The following THG1L variants were observed in gnomAD, a reference collection of about 807,000 sequenced individuals.
THG1L encodes the protein tRNA-histidine guanylyltransferase 1 like.
A neutral mutation model predicts 35.2 loss-of-function variants in THG1L; 27 were observed. The ratio of observed to expected loss-of-function variants is 0.77; its 90% confidence interval spans 0.57 to 1.06. The LOEUF (loss-of-function observed/expected upper bound fraction) is 1.06, where lower values mean the gene tolerates loss of function less well. Ranked by LOEUF, THG1L falls within the 50% of genes least tolerant of loss-of-function variation. THG1L has a pLI of 0.00. For missense variants in THG1L, 377 were observed against 371.8 expected (o/e 1.01, Z -0.12); for synonymous variants, 135 against 132.4 (o/e 1.02, Z -0.14).
chr5:157,736,397 A>C (rs1468667806), intron 4 of THG1L, among the ~76,000 whole-genome samples: 1 of 152,000 alleles, frequency 6.6e-6, no homozygotes, highest in Non-Finnish European at 1.5e-5. Flanking sequence ...TTACAGGTGC[A>C]TGCCACCACA....
intron 4 of THG1L, 72 bp from the exon 5 acceptor site, chr5:157,737,815 G>A: frequency 8.4e-7 from 1 of 1,197,590 alleles, no homozygotes. Context: ...TAGGTTGTGG[G>A]TCGAATGGAT....
intron 1 of THG1L, 123 bp from the exon 2 acceptor site, chr5:157,732,745 A>G: frequency 8.7e-7 from 1 of 1,146,654 alleles, no homozygotes; most frequent in Non-Finnish European, 1.2e-6. Flanking sequence ...TGGCTAGTTG[A>G]GCATTTGAGT....
intron 2 of THG1L, 25 bp downstream of exon 2, chr5:157,733,069 C>T (rs758084048): frequency 6.2e-7 from 1 of 1,606,664 alleles, no homozygotes; most frequent in Non-Finnish European, 8.5e-7. Flanking sequence ...TAACTCCTTT[C>T]TTCAGAATAT....
chr5:157,736,925 A>G (rs1760904807), intron 4 of THG1L, among the ~76,000 whole-genome samples: 1 of 152,162 alleles, frequency 6.6e-6, no homozygotes. Flanking sequence ...GAAGTGAGGT[A>G]ATGTGTTGTA....
rs772038747 is a variant in THG1L at position 157,739,464 on chromosome 5, T to G, written c.879T>G (p.Ile293Met). The G allele has an allele frequency of 1.9e-6, 3 of 1,613,044 alleles. No individual in the cohort carries two copies. The highest frequency in any genetic ancestry group is 2.5e-6 in the Non-Finnish European group (3 of 1,179,496). The change falls in exon 6 of 6, where the codon ATT (isoleucine) becomes ATG (methionine). Residue 293 changes from isoleucine to methionine, a missense_variant. Transcript: ENST00000231198. ...CTTTCTGGAAGGAACATCCAGAGAT[T>G]CTAGATGAAGACAGCTGACCCTTTT... ...GDAFWKEHPE[I>M]LDEDS is the part of the protein sequence containing the mutation.
chr5:157,738,353 A>T (rs1366145657), intron 5 of THG1L, among the ~76,000 whole-genome samples: 1 of 152,236 alleles, frequency 6.6e-6, no homozygotes, highest in Non-Finnish European at 1.5e-5. Flanking sequence ...ATACCATTAA[A>T]TGGTCTCTCC....
Position 157,732,957 on chromosome 5 carries a change from T to C in THG1L, c.281T>C (p.Leu94Pro), listed in dbSNP as rs1760768283. The C allele has an allele frequency of 6.2e-7, 1 of 1,614,228 alleles. No homozygotes were observed. Among genetic ancestry groups the C allele is most frequent in the Non-Finnish European group, 8.5e-7 (1 of 1,180,048 alleles). The change falls in exon 2 of 6, where the codon CTA (leucine) becomes CCA (proline). Residue 94 changes from leucine to proline, a missense_variant. By Grantham distance (98) the Leu-to-Pro change is moderately conservative (BLOSUM62 -3). Coordinates refer to ENST00000231198, the MANE Select transcript of THG1L (RefSeq NM_017872.5). ...TGTGCGCAGACTGTGATGGAAGAAC[T>C]AGAGGATATTGTGATCGCGTATGGA... is the stretch of plus-strand genomic sequence containing the variant. ...TKCAQTVMEE[L>P]EDIVIAYGQS...
chr5:157,735,144 G>A (rs187588149), intron 3 of THG1L, among the ~76,000 whole-genome samples: 1 of 151,862 alleles, frequency 6.6e-6, no homozygotes, highest in Non-Finnish European at 1.5e-5. Flanking sequence ...CTCCATGTTG[G>A]TCAGGCTGGT....
intron 1 of THG1L, 131 bp downstream of exon 1, chr5:157,731,762 C>A: frequency 8.5e-7 from 1 of 1,178,536 alleles, no homozygotes; most frequent in Non-Finnish European, 1.2e-6. Flanking sequence ...GAGTGCGCAG[C>A]ATGGAGCATT....
chr5:157,739,433 G>A lies in THG1L; in HGVS notation c.848G>A (p.Gly283Glu). ...GTGCCCTTGCACTGCGATATCATCGGGGATGCTTTCTGGAAGGAACATCCA... is the reference window on the plus strand; with the variant it reads ...GTGCCCTTGCACTGCGATATCATCGAGGATGCTTTCTGGAAGGAACATCCA... Reference protein sequence around the residue: ...KPVPLHCDIIGDAFWKEHPEI... With the variant: ...KPVPLHCDIIEDAFWKEHPEI... Residue 283 changes from glycine (G) to glutamate (E), a missense_variant, in exon 6 of 6, where the codon GGG becomes GAG. Coordinates refer to ENST00000231198, the MANE Select transcript of THG1L (RefSeq NM_017872.5). The A allele has an allele frequency of 6.2e-7, 1 of 1,613,636 alleles. No individual in the cohort carries two copies. Among genetic ancestry groups the A allele is most frequent in the African/African-American group, 1.3e-5 (1 of 75,018 alleles).
At chr5:157,739,267 TCTCCCAAA>T in intron 5 of THG1L, 46 bp from the exon 6 acceptor site, 1 of 1,566,830 alleles carries the variant, frequency 6.4e-7, no homozygotes, top group South Asian at 1.2e-5. Flanking sequence ...CTTTCCTTTC[TCTCCCAAA>T]CCCACTCCTG....
At chr5:157,737,596 C>T (rs547254756) in intron 4 of THG1L, among the ~76,000 whole-genome samples, 3 of 152,274 alleles carry the variant, frequency 2.0e-5, no homozygotes, top group Non-Finnish European at 4.4e-5. Context: ...ATTTATATAA[C>T]CTTTCTAAGT....
chr5:157,739,604 C>T lies in THG1L; in HGVS notation c.*122C>T, dbSNP rs949718612. ...GGACACTGGTGCGAATGACACAACTCAAGTTGGGAGGGGAACAGGGAAGGA... is the reference window on the plus strand; with the variant it reads ...GGACACTGGTGCGAATGACACAACTTAAGTTGGGAGGGGAACAGGGAAGGA... On this transcript the variant is annotated 3_prime_UTR_variant, in exon 6 of 6. Transcript: ENST00000231198. 3 of 1,200,646 alleles carry T rather than the reference C, an allele frequency of 2.5e-6. No homozygotes were observed. The African/African-American group carries it at 4.6e-5, about 18-fold the overall frequency. 74.4% of individuals were successfully genotyped at this position (1,200,646 alleles called of 1,614,324 possible).
At chr5:157,734,032 G>A (rs957546523) in intron 2 of THG1L, among the ~76,000 whole-genome samples, 3 of 152,108 alleles carry the variant, frequency 2.0e-5, no homozygotes, top group African/African-American at 7.2e-5. Context: ...ACATCCTGTA[G>A]GGAAAGGTTT....
Position 157,732,908 on chromosome 5 carries a change from C to T in THG1L, c.232C>T (p.Arg78Cys), listed in dbSNP as rs1760766547. 4 of 1,614,180 alleles carry T rather than the reference C, an allele frequency of 2.5e-6. No individual in the cohort carries two copies. Among genetic ancestry groups the T allele is most frequent in the East Asian group, 2.2e-5 (1 of 44,884 alleles). ...CAACTTTGCAAAACCCAATGACAGCCGTGCTCTCCAGCTGATGACCAAATG... is the reference window on the plus strand; with the variant it reads ...CAACTTTGCAAAACCCAATGACAGCTGTGCTCTCCAGCTGATGACCAAATG... ...KHNFAKPNDS[R>C]ALQLMTKCAQ... Residue 78 changes from arginine (R) to cysteine (C), a missense_variant, in exon 2 of 6, where the codon CGT (arginine) becomes TGT (cysteine). Arg to Cys is a radical substitution (Grantham distance 180). Coordinates refer to ENST00000231198, the MANE Select transcript of THG1L (RefSeq NM_017872.5).
chr5:157,731,950 A>C (rs1760734804), intron 1 of THG1L, among the ~76,000 whole-genome samples: 1 of 152,190 alleles, frequency 6.6e-6, no homozygotes, highest in South Asian at 2.1e-4. Flanking sequence ...TTAAGCTCTT[A>C]AGCCAATTGC....
chr5:157,739,458 A>G lies in THG1L; in HGVS notation c.873A>G (p.Pro291=), dbSNP rs745686113. The G allele has an allele frequency of 1.2e-6, 2 of 1,613,444 alleles. No homozygotes were observed. The highest frequency in any genetic ancestry group is 1.7e-6 in the Non-Finnish European group (2 of 1,179,658). Residue 291 remains proline, a synonymous_variant, in exon 6 of 6, where the codon CCA becomes CCG. Coordinates refer to ENST00000231198, the MANE Select transcript of THG1L (RefSeq NM_017872.5). ...IIGDAFWKEH[P]EILDEDS ...GGGATGCTTTCTGGAAGGAACATCCAGAGATTCTAGATGAAGACAGCTGAC... is the reference window on the plus strand; with the variant it reads ...GGGATGCTTTCTGGAAGGAACATCCGGAGATTCTAGATGAAGACAGCTGAC...
At position 157,734,642 on chromosome 5, in the gene THG1L, T is replaced by C. The variant is rs765890482; in HGVS notation, c.435T>C (p.Phe145=). The change falls in exon 3 of 6, where the codon TTT becomes TTC. Residue 145 remains phenylalanine (F), a synonymous_variant. Coordinates refer to ENST00000231198, the MANE Select transcript of THG1L (RefSeq NM_017872.5). ...SSYVFYWRDY[F]EDQPLLYPPG... ...ATGTGTTTTATTGGCGGGATTACTTTGAGGACCAGCCCCTTCTGTATCCCC... is the reference window on the plus strand; with the variant it reads ...ATGTGTTTTATTGGCGGGATTACTTCGAGGACCAGCCCCTTCTGTATCCCC... The C allele has an allele frequency of 3.7e-6, 6 of 1,614,158 alleles. No homozygotes were observed. The South Asian group carries it at 5.5e-5, about 15-fold the overall frequency.
chr5:157,738,502 C>T (rs993616615), intron 5 of THG1L: 6 of 359,824 alleles, frequency 1.7e-5, no homozygotes, highest in Non-Finnish European at 3.2e-5. Context: ...TACCTATATC[C>T]TTAATTTTAC....
Sources: allele counts gnomAD v4.1 joint callset (sites outside exome capture counted in the v4.1 genomes callset), GRCh38; gene constraint gnomAD v4.1.1; transcripts MANE v1.5; gene names NCBI Gene and HGNC (gene_info 2026-07-23, HGNC 2026-07-21).